IQSEC2: variants seen among roughly 807,000 people sequenced by gnomAD.
IQSEC2 encodes the protein IQ motif and SEC7 domain-containing protein 2.
IQSEC2 carries 6 observed loss-of-function variants against 74.6 expected under a neutral mutation model. The ratio of observed to expected loss-of-function variants is 0.08; its 90% CI spans 0.04 to 0.16. The LOEUF (loss-of-function observed/expected upper bound fraction) is 0.16, where lower values mean the gene tolerates loss of function less well. IQSEC2 is among the 10% of genes least tolerant of loss of function. The probability of loss-of-function intolerance (pLI) is 1.00; values close to 1 mark genes in which losing one functional copy is unlikely to be tolerated. For missense variants in IQSEC2, 734 were observed against 1,306.2 expected (o/e 0.56, Z 6.75); for synonymous variants, 494 against 544.5 (o/e 0.91, Z 1.29).
At position 53,239,135 on chromosome X, in the gene IQSEC2, G is replaced by A. The variant is rs902485821; in HGVS notation, c.3115+60C>T. ...GAAAACTGGAGCTGGTATAGATGAC[G>A]GGTGAGCATGGGGGCCATGACATAG... On this transcript the variant is annotated intron_variant, in intron 11 of 14. Coordinates refer to ENST00000642864, the MANE Select transcript of IQSEC2 (RefSeq NM_001111125.3). The A allele has an allele frequency of 1.8e-5, 16 of 874,523 alleles. No individual in the cohort carries two copies. In the African/African-American group the frequency reaches 2.0e-4, roughly 11 times the overall value. 72.1% of individuals were successfully genotyped at this position (874,523 alleles called of 1,213,427 possible).
intron 1 of IQSEC2, among the ~76,000 whole-genome samples, chrX:53,298,889 C>T (rs2075182005): frequency 9.0e-6 from 1 of 110,871 alleles, no homozygotes; most frequent in South Asian, 3.7e-4. Context: ...GGTTTCTTCT[C>T]CTCCCTTCAT....
At chrX:53,305,632 G>A (rs1246855599) in intron 1 of IQSEC2, among the ~76,000 whole-genome samples, 6 of 112,219 alleles carry the variant, frequency 5.3e-5, no homozygotes, top group African/African-American at 1.3e-4. Context: ...ACTGAGGTAC[G>A]GAGGAGCAAT....
At chrX:53,289,264 A>C (rs1556872499) in intron 2 of IQSEC2, among the ~76,000 whole-genome samples, 2 of 110,033 alleles carry the variant, frequency 1.8e-5, no homozygotes, top group African/African-American at 6.6e-5. Context: ...CCACCCCCCA[A>C]ATGGAGGCCT....
At chrX:53,231,811 G>A (rs1264893770), downstream of IQSEC2, 1 of 112,096 alleles carries the variant, frequency 8.9e-6, no homozygotes, top group Admixed American at 9.4e-5. Flanking sequence ...TCCATGAGGC[G>A]GCATCAAATG....
intron 1 of IQSEC2, among the ~76,000 whole-genome samples, chrX:53,303,788 G>A (rs1243133450): frequency 7.5e-5 from 8 of 106,425 alleles, no homozygotes; most frequent in Admixed American, 5.1e-4. Context: ...GTGAAAGAGC[G>A]AAACTCCATC....
intron 1 of IQSEC2, among the ~76,000 whole-genome samples, chrX:53,295,793 A>G (rs1229978947): frequency 2.7e-5 from 3 of 110,120 alleles, no homozygotes; most frequent in African/African-American, 9.9e-5. Flanking sequence ...ATTTCCTGCC[A>G]TGCTCCAAGC....
chrX:53,317,624 G>A (rs2075390937), intron 1 of IQSEC2, among the ~76,000 whole-genome samples: 1 of 111,989 alleles, frequency 8.9e-6, no homozygotes, highest in East Asian at 2.8e-4. Flanking sequence ...ACAAGCTGCA[G>A]CTCGGCCCAG....
intron 1 of IQSEC2, among the ~76,000 whole-genome samples, chrX:53,303,199 T>TC (rs1240389789): frequency 1.1e-5 from 1 of 87,281 alleles, no homozygotes; most frequent in Non-Finnish European, 2.1e-5. Flanking sequence ...TGAGACTCTG[T>TC]CAAAAAAAAA....
chrX:53,226,075 C>T (rs868980079), downstream of IQSEC2: 15 of 112,800 alleles, frequency 1.3e-4, no homozygotes, highest in African/African-American at 4.5e-4. Flanking sequence ...CATTTGTGAG[C>T]CTACAGTGCA....
intron 1 of IQSEC2, among the ~76,000 whole-genome samples, chrX:53,299,758 T>G (rs1416133889): frequency 9.9e-6 from 1 of 101,247 alleles, no homozygotes; most frequent in Non-Finnish European, 2.1e-5. Flanking sequence ...AAGACAAGAC[T>G]TTTTTTTTTT....
chrX:53,285,578 A>G (rs782282628), intron 2 of IQSEC2, among the ~76,000 whole-genome samples: 6 of 112,693 alleles, frequency 5.3e-5, no homozygotes, highest in African/African-American at 1.9e-4. Flanking sequence ...TTTCTGACTC[A>G]AAGCAATTAT....
At chrX:53,231,182 C>T (rs1281570323), downstream of IQSEC2, 3 of 112,057 alleles carry the variant, frequency 2.7e-5, no homozygotes, top group African/African-American at 9.8e-5. Context: ...TCCCAAGCCA[C>T]TTAAGGCCTG....
At chrX:53,272,047 A>T (rs2074752048) in intron 2 of IQSEC2, among the ~76,000 whole-genome samples, 1 of 110,630 alleles carries the variant, frequency 9.0e-6, no homozygotes, top group African/African-American at 3.3e-5. Flanking sequence ...TTTCTTTTCC[A>T]TATGCTGTAT....
intron 2 of IQSEC2, among the ~76,000 whole-genome samples, chrX:53,285,726 T>G (rs1556871618): frequency 8.9e-6 from 1 of 112,417 alleles, no homozygotes; most frequent in Admixed American, 9.4e-5. Context: ...ACTATCAATT[T>G]TATTAAAAAT....
chrX:53,309,743 A>G (rs1235928822), intron 1 of IQSEC2, among the ~76,000 whole-genome samples: 4 of 112,099 alleles, frequency 3.6e-5, no homozygotes, highest in African/African-American at 1.3e-4. Flanking sequence ...TTGAGTCACA[A>G]AGGATTTGAG....
chrX:53,261,225 G>A (rs1480677540), intron 2 of IQSEC2, among the ~76,000 whole-genome samples: 2 of 111,062 alleles, frequency 1.8e-5, no homozygotes, highest in South Asian at 3.8e-4. Flanking sequence ...TCTTTCTCTC[G>A]CACACATACA....
At chrX:53,311,639 G>A (rs1479049520) in intron 1 of IQSEC2, among the ~76,000 whole-genome samples, 1 of 112,246 alleles carries the variant, frequency 8.9e-6, no homozygotes, top group Non-Finnish European at 1.9e-5. Flanking sequence ...TACTTGGCCA[G>A]GCATGGTGGC....
At chrX:53,318,955 T>A (rs1436556478) in intron 1 of IQSEC2, among the ~76,000 whole-genome samples, 5 of 112,954 alleles carry the variant, frequency 4.4e-5, no homozygotes, top group Non-Finnish European at 9.4e-5. Context: ...CAGCCCTGCC[T>A]GGGCAGGAAA....
rs1257928440 is a variant in IQSEC2, at chrX:53,233,828, G to A, written c.*391C>T. On this transcript the variant is annotated 3_prime_UTR_variant, in exon 15 of 15. Transcript: ENST00000642864. ...GGGAAGCCTTCACCCCGACAGCTCC[G>A]GACACCTGCCCTTCTCCGCCAGCCA... The A allele has an allele frequency of 1.0e-5, 3 of 296,412 alleles. No homozygotes were observed. Among genetic ancestry groups the A allele is most frequent in the African/African-American group, 5.5e-5 (2 of 36,442 alleles). The allele number at this position is 296,412 out of a possible 1,213,427, so 24.4% of individuals were successfully genotyped here.
Sources: gnomAD v4.1 joint callset for allele counts (sites outside exome capture counted in the v4.1 genomes callset) on GRCh38, gnomAD v4.1.1 for gene constraint, MANE v1.5 for transcripts, NCBI Gene and HGNC (gene_info 2026-07-23, HGNC 2026-07-21) for gene names.